Variants in SYNE1 observed in about 807,000 individuals in gnomAD.
The protein encoded by SYNE1 is spectrin repeat containing nuclear envelope protein 1.
Under a neutral mutation model 1,111.0 loss-of-function variants are expected in SYNE1, and 616 were observed. The ratio of observed to expected loss-of-function variants is 0.55; its 90% CI spans 0.52 to 0.59. The LOEUF (loss-of-function observed/expected upper bound fraction) is 0.59, where lower values mean the gene tolerates loss of function less well. Among genes scored for constraint, SYNE1 ranks in the 20% least tolerant of loss-of-function variants. The probability of loss-of-function intolerance (pLI) is 0.00; values close to 1 mark genes in which losing one functional copy is unlikely to be tolerated. For synonymous variants in SYNE1, 3,855 were observed against 3,825.8 expected (o/e 1.01, Z -0.28); for missense variants, 10,006 against 10,417.0 (o/e 0.96, Z 1.72).
At chr6:152,186,868 G>C (rs982559949) in intron 128 of SYNE1, among the ~76,000 whole-genome samples, 2 of 152,100 alleles carry the variant, frequency 1.3e-5, no homozygotes, top group Non-Finnish European at 2.9e-5. Context: ...GCTCACAAAC[G>C]TAACTGAAGG....
chr6:152,584,770 G>A (rs752038536), intron 3 of SYNE1, among the ~76,000 whole-genome samples: 29 of 152,088 alleles, frequency 1.9e-4, no homozygotes, highest in Non-Finnish European at 2.8e-4. Flanking sequence ...CTACACTCTT[G>A]TGAAGAAAAT....
Position 152,249,210 on chromosome 6 carries a change from A to G in SYNE1, c.19523T>C (p.Leu6508Pro). The change falls in exon 105 of 146, where the codon CTG (leucine) becomes CCG (proline). Residue 6508 changes from leucine to proline, a missense_variant. Leu to Pro is a moderately conservative substitution (Grantham distance 98, BLOSUM62 -3). Transcript: ENST00000367255. ...TTCAAACACATTTGCCAGTTTTTGCAGAATGATGTATTTGTTGTCAGCCAG... is the reference window on the plus strand; with the variant it reads ...TTCAAACACATTTGCCAGTTTTTGCGGAATGATGTATTTGTTGTCAGCCAG... ...TSLADNKYII[L>P]QKLANVFEQP... is the part of the protein sequence containing the mutation. 6.2e-7 allele frequency: 1 copy of G among 1,614,128 alleles called. No individual in the cohort carries two copies. Among genetic ancestry groups the G allele is most frequent in the East Asian group, 2.2e-5 (1 of 44,870 alleles).
At chr6:152,239,395 G>A in intron 108 of SYNE1, 138 bp downstream of exon 108, 1 of 961,412 alleles carries the variant, frequency 1.0e-6, no homozygotes, top group Non-Finnish European at 1.6e-6. Flanking sequence ...CATAGGAAAA[G>A]TGCAGTCCTG....
In SYNE1 at chr6:152,184,631, T is replaced by TATAGATAG. The variant is rs59272369; in HGVS notation, c.23302-4345_23302-4338dup. Among the ~76,000 whole-genome samples the TATAGATAG allele has an allele frequency of 3.8e-3, 541 of 143,024 alleles. 2 individuals carry two copies. The highest frequency in any genetic ancestry group is 6.2e-3 in the South Asian group (28 of 4,516). The allele number at this position is 143,024 out of a possible 152,430, so 93.8% of individuals were successfully genotyped here. A position where few individuals can be genotyped will look rare whatever the true frequency, so the allele number is the denominator to read the frequency against. ...ACTAAGCAGCTGGATTATACACATA[T>TATAGATAG]ATAGATAGATAGATAGATAGATAGA... On this transcript the variant is annotated intron_variant, in intron 128 of 145. Coordinates refer to ENST00000367255, the MANE Select transcript of SYNE1 (RefSeq NM_182961.4).
At chr6:152,562,368 T>G (rs2099397845) in intron 3 of SYNE1, among the ~76,000 whole-genome samples, 1 of 152,052 alleles carries the variant, frequency 6.6e-6, no homozygotes, top group African/African-American at 2.4e-5. Context: ...TGCATTAGGA[T>G]GTATATTATC....
intron 133 of SYNE1, among the ~76,000 whole-genome samples, chr6:152,153,839 C>T (rs1285912875): frequency 2.0e-5 from 3 of 152,148 alleles, no homozygotes; most frequent in Non-Finnish European, 4.4e-5. Context: ...AGTATTTGAA[C>T]ATTTTTCTAG....
rs771358906 is a variant in SYNE1, at chr6:152,461,630, C to T, written c.2361G>A (p.Ala787=). Residue 787 remains alanine, a synonymous_variant, in exon 21 of 146, where the codon GCG becomes GCA. Coordinates refer to ENST00000367255, the MANE Select transcript of SYNE1 (RefSeq NM_182961.4). ...GCTGCTCTTTGAGCTTTGACATGGT[C>T]GCAAACATTTCTTTTCCTTCTTCTT... is the stretch of plus-strand genomic sequence containing the variant. ...SPQEEGKEMF[A]TMSKLKEQLT... is the part of the protein sequence containing the mutation. The T allele has an allele frequency of 2.2e-5, 36 of 1,613,922 alleles. No individual in the cohort carries two copies. The highest frequency in any genetic ancestry group is 1.6e-4 in the Middle Eastern group (1 of 6,062).
chr6:152,269,327 G>A (rs758390708), intron 98 of SYNE1, 41 bp from the exon 99 acceptor site: 32 of 1,613,112 alleles, frequency 2.0e-5, no homozygotes, highest in Non-Finnish European at 2.5e-5. Flanking sequence ...GCTACACACC[G>A]GAAAACCTTA....
chr6:152,447,658 A>C (rs1408420227), intron 28 of SYNE1, 36 bp from the exon 29 acceptor site: 5 of 1,613,588 alleles, frequency 3.1e-6, no homozygotes, highest in South Asian at 1.1e-5. Context: ...AACACAGTGC[A>C]ATTGTGAAAT....
intron 91 of SYNE1, among the ~76,000 whole-genome samples, chr6:152,306,185 T>A (rs1185703947): frequency 1.3e-5 from 2 of 151,990 alleles, no homozygotes; most frequent in Non-Finnish European, 2.9e-5. Flanking sequence ...AAAGATGATT[T>A]TAAAAAAATC....
intron 11 of SYNE1, among the ~76,000 whole-genome samples, chr6:152,491,119 T>C (rs1243013365): frequency 2.0e-5 from 3 of 152,002 alleles, no homozygotes; most frequent in African/African-American, 7.3e-5. Flanking sequence ...GTCTGATCAC[T>C]GTGGGGATGC....
chr6:152,461,532 T>TAGCA (rs2098734053), intron 21 of SYNE1, 65 bp downstream of exon 21: 5 of 1,605,540 alleles, frequency 3.1e-6, no homozygotes. Flanking sequence ...GAGAAGGAGG[T>TAGCA]AGCAAGCAAG....
At chr6:152,369,396 G>T in intron 60 of SYNE1, 75 bp downstream of exon 60, 1 of 1,601,462 alleles carries the variant, frequency 6.2e-7, no homozygotes, top group Admixed American at 1.7e-5. Context: ...AGGGTGCTGA[G>T]CATGCATCTG....
intron 115 of SYNE1, among the ~76,000 whole-genome samples, chr6:152,226,081 A>G (rs1246683780): frequency 1.3e-5 from 2 of 152,192 alleles, no homozygotes; most frequent in African/African-American, 4.8e-5. Context: ...ATGGCAAATT[A>G]GCATAACTTT....
At chr6:152,522,806 G>A (rs2099146316) in intron 5 of SYNE1, among the ~76,000 whole-genome samples, 3 of 151,972 alleles carry the variant, frequency 2.0e-5, no homozygotes, top group Admixed American at 2.0e-4. Context: ...CTGATGACTA[G>A]TTATGTTGTA....
intron 105 of SYNE1, among the ~76,000 whole-genome samples, chr6:152,245,985 C>T (rs1023228641): frequency 2.6e-5 from 4 of 152,098 alleles, no homozygotes; most frequent in Admixed American, 2.6e-4. Flanking sequence ...ATGTGGGGCC[C>T]CTGAGTCTTC....
chr6:152,568,836 T>C (rs1202329214), intron 3 of SYNE1, among the ~76,000 whole-genome samples: 3 of 152,186 alleles, frequency 2.0e-5, no homozygotes, highest in East Asian at 3.8e-4. Context: ...AGCAAAGATA[T>C]GGACCAGCAA....
chr6:152,171,221 G>C (rs1313715771), intron 130 of SYNE1, among the ~76,000 whole-genome samples: 1 of 152,160 alleles, frequency 6.6e-6, no homozygotes, highest in East Asian at 1.9e-4. Flanking sequence ...TTATACATGT[G>C]GTAACCGAGG....
intron 3 of SYNE1, among the ~76,000 whole-genome samples, chr6:152,610,284 T>C (rs1453627498): frequency 6.6e-6 from 1 of 151,870 alleles, no homozygotes; most frequent in Non-Finnish European, 1.5e-5. Context: ...GAATAAACAG[T>C]GTAGAGATGA....
Sources: gnomAD v4.1 joint callset for allele counts (sites outside exome capture counted in the v4.1 genomes callset) on GRCh38, gnomAD v4.1.1 for gene constraint, MANE v1.5 for transcripts, NCBI Gene and HGNC (gene_info 2026-07-23, HGNC 2026-07-21) for gene names.